Variants in C5orf63 observed in about 807,000 individuals in gnomAD.
C5orf63 encodes the protein chromosome 5 open reading frame 63.
Under a neutral mutation model 13.3 loss-of-function variants are expected in C5orf63, and 18 were observed. That is an observed-to-expected ratio of 1.36 (90% CI 0.94 to 2.01). The LOEUF is 2.01. C5orf63 is among the 30% of genes most tolerant of loss of function. The pLI, the probability that C5orf63 is intolerant of heterozygous loss-of-function variation, is 0.00. For synonymous variants in C5orf63, 38 were observed against 44.7 expected (o/e 0.85, Z 0.60); for missense variants, 118 against 127.7 (o/e 0.92, Z 0.36).
At chr5:127,045,453 A>T (rs7722856) in exon 5 of C5orf63, 151,922 of 152,324 alleles carry the variant, frequency 1, 75,760 homozygotes, top group Middle Eastern at 1. Context: ...TACTCTCTTT[A>T]CCCTAGTCAA....
At chr5:127,045,208 A>C (rs577827662), downstream of C5orf63, 1 of 152,230 alleles carries the variant, frequency 6.6e-6, no homozygotes, top group East Asian at 1.9e-4. Flanking sequence ...AAATTATCAC[A>C]AACTTGGCTT....
chr5:127,072,976 T>G (rs538121475), intron 1 of C5orf63: 4 of 152,226 alleles, frequency 2.6e-5, no homozygotes, highest in Non-Finnish European at 5.9e-5. Context: ...CTCACAATGT[T>G]CCCTGCTGCA....
downstream of C5orf63, among the ~76,000 whole-genome samples, chr5:127,050,095 T>C (rs1753620765): frequency 6.6e-6 from 1 of 152,176 alleles, no homozygotes; most frequent in Non-Finnish European, 1.5e-5. Context: ...TCTCTGCTTT[T>C]AAAGGGCTCA....
intron 3 of C5orf63, among the ~76,000 whole-genome samples, chr5:127,056,038 G>A (rs1580527519): frequency 6.6e-6 from 1 of 152,284 alleles, no homozygotes; most frequent in East Asian, 1.9e-4. Context: ...TAACCATAGT[G>A]GGCATTTGTT....
chr5:127,052,456 T>C (rs1024336984), intron 4 of C5orf63, 157 bp downstream of exon 4: 11 of 492,656 alleles, frequency 2.2e-5, no homozygotes, highest in African/African-American at 1.2e-4. Flanking sequence ...ATGAGTTTTA[T>C]GGTAATAAGC....
intron 2 of C5orf63, among the ~76,000 whole-genome samples, chr5:127,069,189 A>G (rs777190352): frequency 1.7e-4 from 26 of 152,236 alleles, no homozygotes; most frequent in Non-Finnish European, 3.1e-4. Flanking sequence ...TAAAGATAGC[A>G]TTAAGATGAG....
downstream of C5orf63, among the ~76,000 whole-genome samples, chr5:127,049,171 A>C (rs2126879135): frequency 6.6e-6 from 1 of 152,238 alleles, no homozygotes; most frequent in African/African-American, 2.4e-5. Flanking sequence ...CAGGAGTCAG[A>C]AGGACTGACT....
At chr5:127,058,727 T>A in intron 3 of C5orf63, 155 bp downstream of exon 3, 1 of 592,884 alleles carries the variant, frequency 1.7e-6, no homozygotes. Context: ...ATAAGGTATC[T>A]GGGTAGAAAA....
intron 4 of C5orf63, 148 bp from the exon 5 acceptor site, chr5:127,052,095 G>A: frequency 1.6e-6 from 1 of 608,066 alleles, no homozygotes; most frequent in Admixed American, 3.8e-5. Context: ...TAATGTCCCT[G>A]ATTTCCAAAA....
At chr5:127,054,256 T>A in intron 3 of C5orf63, among the ~76,000 whole-genome samples, 1 of 152,198 alleles carries the variant, frequency 6.6e-6, no homozygotes, top group East Asian at 1.9e-4. Flanking sequence ...TACACAGTAA[T>A]AGGATCACTG....
At chr5:127,048,559 C>G (rs1753579957), downstream of C5orf63, among the ~76,000 whole-genome samples, 1 of 151,818 alleles carries the variant, frequency 6.6e-6, no homozygotes, top group Non-Finnish European at 1.5e-5. Flanking sequence ...TCCAAAGATC[C>G]TCTCTCCCAG....
chr5:127,052,553 A>AGG (rs1753717765), intron 4 of C5orf63, 60 bp downstream of exon 4: 1 of 1,153,392 alleles, frequency 8.7e-7, no homozygotes, highest in South Asian at 2.2e-5. Flanking sequence ...CCAGGCAGAT[A>AGG]CTTTATACCA....
intron 2 of C5orf63, among the ~76,000 whole-genome samples, chr5:127,064,124 T>G (rs73783525): frequency 3.9e-5 from 6 of 152,062 alleles, no homozygotes; most frequent in African/African-American, 1.5e-4. Flanking sequence ...CCTGGGATCT[T>G]GGGTTCAAGG....
At chr5:127,057,642 A>G (rs1474174747) in intron 3 of C5orf63, among the ~76,000 whole-genome samples, 1 of 152,240 alleles carries the variant, frequency 6.6e-6, no homozygotes. Context: ...GCGCTTTTGC[A>G]GGTATTCACA....
intron 2 of C5orf63, among the ~76,000 whole-genome samples, chr5:127,060,655 C>A (rs1220281508): frequency 3.3e-5 from 5 of 152,332 alleles, no homozygotes; most frequent in Middle Eastern, 6.8e-3. Flanking sequence ...TGGCAAGTTG[C>A]AACTGCAAAG....
intron 2 of C5orf63, among the ~76,000 whole-genome samples, chr5:127,059,738 AAAAAAG>A (rs200950153): frequency 0.016 from 2,393 of 151,528 alleles, 55 homozygotes; most frequent in African/African-American, 0.055. Context: ...CAAAAAAAAA[AAAAAAG>A]AAAAAGAAAA....
chr5:127,070,129 C>CA (rs1171537455), intron 2 of C5orf63, among the ~76,000 whole-genome samples: 3 of 152,106 alleles, frequency 2.0e-5, no homozygotes, highest in Non-Finnish European at 4.4e-5. Flanking sequence ...CAGTTTCAGA[C>CA]AGTAGAATTC....
At chr5:127,066,729 AT>A (rs1754346956) in intron 2 of C5orf63, among the ~76,000 whole-genome samples, 1 of 152,116 alleles carries the variant, frequency 6.6e-6, no homozygotes, top group Non-Finnish European at 1.5e-5. Context: ...CGGTTTAAGG[AT>A]TATATTTACA....
chr5:127,047,869 G>A (rs1385104006), downstream of C5orf63: 1 of 703,482 alleles, frequency 1.4e-6, no homozygotes, highest in Non-Finnish European at 2.6e-6. Flanking sequence ...TGAGGAAGGG[G>A]AGCGTCTTCT....
Sources: allele counts gnomAD v4.1 joint callset (sites outside exome capture counted in the v4.1 genomes callset), GRCh38; gene constraint gnomAD v4.1.1; transcripts MANE v1.5; gene names NCBI Gene and HGNC (gene_info 2026-07-23, HGNC 2026-07-21).